The following DNM3 variants were observed in gnomAD, a reference collection of about 807,000 sequenced individuals.
DNM3 encodes dynamin-3.
A neutral mutation model predicts 101.6 loss-of-function variants in DNM3; 47 were observed. The observed-to-expected ratio is 0.46, with a 90% CI of 0.37 to 0.59. DNM3 has a LOEUF of 0.59. Ranked by LOEUF, DNM3 falls within the 20% of genes least tolerant of loss-of-function variation. DNM3 has a pLI of 0.00. For missense variants in DNM3, 849 were observed against 1,085.7 expected (o/e 0.78, Z 3.06); for synonymous variants, 385 against 387.9 (o/e 0.99, Z 0.09).
At chr1:172,323,475 C>G in intron 17 of DNM3, 135 bp downstream of exon 17, 1 of 1,060,570 alleles carries the variant, frequency 9.4e-7, no homozygotes, top group Non-Finnish European at 1.3e-6. Flanking sequence ...ATGGGGTGTG[C>G]AAATTTGGGG....
chr1:172,335,790 G>A (rs1225785349), intron 17 of DNM3, among the ~76,000 whole-genome samples: 1 of 152,138 alleles, frequency 6.6e-6, no homozygotes, highest in Non-Finnish European at 1.5e-5. Flanking sequence ...GGGACTACTG[G>A]ATAGGGGAGG....
intron 15 of DNM3, among the ~76,000 whole-genome samples, chr1:172,267,020 G>C (rs2062885387): frequency 1.3e-5 from 2 of 152,216 alleles, no homozygotes. Flanking sequence ...ACTCAGGCAT[G>C]AGTAGTGTTA....
intron 14 of DNM3, among the ~76,000 whole-genome samples, chr1:172,209,615 C>A (rs1170475214): frequency 6.6e-6 from 1 of 151,914 alleles, no homozygotes; most frequent in Admixed American, 6.6e-5. Flanking sequence ...TCCCAAGGGC[C>A]CAATAGCAAT....
intron 10 of DNM3, among the ~76,000 whole-genome samples, chr1:172,050,449 T>G (rs530000723): frequency 6.6e-5 from 9 of 137,130 alleles, no homozygotes; most frequent in Non-Finnish European, 1.2e-4. Context: ...TTGCACTTAT[T>G]TTAATAATAT....
chr1:172,393,251 A>G (rs1407859764), intron 20 of DNM3: 7 of 152,182 alleles, frequency 4.6e-5, no homozygotes, highest in Non-Finnish European at 1.0e-4. Context: ...TTCTGTTTCA[A>G]ATGTTTGACC....
intron 4 of DNM3, among the ~76,000 whole-genome samples, chr1:172,020,865 T>G (rs1226514682): frequency 6.6e-6 from 1 of 151,914 alleles, no homozygotes; most frequent in Non-Finnish European, 1.5e-5. Flanking sequence ...AAGGCAAAAC[T>G]CAGGTCCCTG....
At chr1:171,959,445 A>G (rs1044839948) in intron 2 of DNM3, among the ~76,000 whole-genome samples, 2 of 152,188 alleles carry the variant, frequency 1.3e-5, no homozygotes, top group Admixed American at 6.5e-5. Flanking sequence ...TTCAGGAACA[A>G]TGATGAGCTA....
At chr1:171,967,794 A>G (rs1008110167) in intron 2 of DNM3, among the ~76,000 whole-genome samples, 4 of 152,134 alleles carry the variant, frequency 2.6e-5, no homozygotes, top group African/African-American at 7.2e-5. Context: ...TTACCTTCCC[A>G]TAACTTGTTC....
At chr1:171,955,921 C>T (rs901378022) in intron 2 of DNM3, among the ~76,000 whole-genome samples, 3 of 152,072 alleles carry the variant, frequency 2.0e-5, no homozygotes, top group Non-Finnish European at 4.4e-5. Context: ...CAGGGAAACT[C>T]CCCTTTATAA....
intron 17 of DNM3, among the ~76,000 whole-genome samples, chr1:172,369,107 AT>A (rs759525689): frequency 6.6e-6 from 1 of 151,912 alleles, no homozygotes; most frequent in East Asian, 1.9e-4. Flanking sequence ...ATGGAAGGGA[AT>A]TTTTTCAAAC....
chr1:172,385,091 T>G (rs1419371297), intron 18 of DNM3, among the ~76,000 whole-genome samples: 1 of 152,226 alleles, frequency 6.6e-6, no homozygotes, highest in Non-Finnish European at 1.5e-5. Context: ...GGTTGTTCCT[T>G]TCTTCCTTGC....
At chr1:172,131,882 G>A (rs1480308441) in intron 14 of DNM3, 3 of 245,898 alleles carry the variant, frequency 1.2e-5, no homozygotes, top group Non-Finnish European at 2.5e-5. Flanking sequence ...TAATAATTTT[G>A]GTCCTGTGAC....
intron 14 of DNM3, among the ~76,000 whole-genome samples, chr1:172,210,314 CTTTTTTTTTTT>C (rs11330467): frequency 1.2e-5 from 1 of 84,860 alleles, no homozygotes; most frequent in African/African-American, 3.8e-5. Flanking sequence ...AGAGAGCGTG[CTTTTTTTTTTT>C]TTTTTTTTTT....
intron 14 of DNM3, among the ~76,000 whole-genome samples, chr1:172,179,920 T>A (rs758418129): frequency 2.6e-5 from 4 of 152,028 alleles, no homozygotes; most frequent in African/African-American, 4.8e-5. Context: ...ACTAGAACCC[T>A]ACCATTAGTA....
At position 172,132,853 on chromosome 1, in the gene DNM3, A is replaced by T. The variant is rs1278316386; in HGVS notation, c.1659+1565A>T. 3.9e-6 allele frequency: 3 copies of T among 774,278 alleles called. No homozygotes were observed. The African/African-American group carries it at 5.2e-5, about 13-fold the overall frequency. The allele number at this position is 774,278 out of a possible 1,614,324, so 48.0% of individuals were successfully genotyped here. A position where few individuals can be genotyped will look rare whatever the true frequency, so the allele number is the denominator to read the frequency against. On this transcript the variant is annotated intron_variant, in intron 14 of 20. Transcript: ENST00000627582. ...AAATAAAACAAAACCTTTTTTTAAA[A>T]AAGTCTTTTCTACAGGACTATTTTC...
chr1:171,951,405 T>C (rs1287907478), intron 2 of DNM3, among the ~76,000 whole-genome samples: 1 of 152,222 alleles, frequency 6.6e-6, no homozygotes. Context: ...TTACATGCGG[T>C]GTTTTGCATT....
At chr1:172,318,651 A>G (rs1347520613) in intron 16 of DNM3, among the ~76,000 whole-genome samples, 1 of 152,156 alleles carries the variant, frequency 6.6e-6, no homozygotes, top group Non-Finnish European at 1.5e-5. Context: ...CTTCAAAGAG[A>G]ATAAAATACC....
At chr1:172,397,730 T>G (rs1366819645) in intron 20 of DNM3, among the ~76,000 whole-genome samples, 1 of 146,020 alleles carries the variant, frequency 6.8e-6, no homozygotes, top group Non-Finnish European at 1.5e-5. Context: ...GGTGTATAAC[T>G]GATTACATCT....
chr1:172,252,160 A>T (rs1331582561), intron 14 of DNM3, among the ~76,000 whole-genome samples: 1 of 152,084 alleles, frequency 6.6e-6, no homozygotes, highest in Non-Finnish European at 1.5e-5. Context: ...CTTTGGAGAC[A>T]TTGTCAGAAC....
Sources: allele counts gnomAD v4.1 joint callset (sites outside exome capture counted in the v4.1 genomes callset), GRCh38; gene constraint gnomAD v4.1.1; transcripts MANE v1.5; gene names NCBI Gene and HGNC (gene_info 2026-07-23, HGNC 2026-07-21).